The following SNX29 variants were observed in gnomAD, a reference collection of about 807,000 sequenced individuals.
SNX29 encodes sorting nexin 29.
Under a neutral mutation model 102.1 loss-of-function variants are expected in SNX29, and 78 were observed. The ratio of observed to expected loss-of-function variants is 0.76; its 90% CI spans 0.64 to 0.92. SNX29 has a LOEUF of 0.92. Among genes scored for constraint, SNX29 ranks in the 40% least tolerant of loss-of-function variants. The probability of loss-of-function intolerance (pLI) is 0.00; values close to 1 mark genes in which losing one functional copy is unlikely to be tolerated. For missense variants in SNX29, 1,280 were observed against 1,061.7 expected (o/e 1.21, Z -2.86); for synonymous variants, 580 against 414.5 (o/e 1.40, Z -4.85).
At chr16:12,012,495 G>A (rs536345909) in intron 3 of SNX29, among the ~76,000 whole-genome samples, 3 of 152,124 alleles carry the variant, frequency 2.0e-5, no homozygotes, top group South Asian at 2.1e-4. Flanking sequence ...TGCAACCTCC[G>A]CCTCCCACGT....
Position 12,027,359 on chromosome 16 carries a change from G to A in SNX29, c.162G>A (p.Gln54=). 2 of 1,614,112 alleles carry A rather than the reference G, an allele frequency of 1.2e-6. No homozygotes were observed. The highest frequency in any genetic ancestry group is 1.7e-6 in the Non-Finnish European group (2 of 1,179,980). ...GTGCCCAGTTTGAAGCCGTCCTGCA[G>A]CATGGCTTGAAGAGGAGTCGAGGAT... ...CLCAQFEAVL[Q]HGLKRSRGLA... Residue 54 remains glutamine (Q), a synonymous_variant, in exon 4 of 21, where the codon CAG becomes CAA. Transcript: ENST00000566228.
intron 13 of SNX29, among the ~76,000 whole-genome samples, chr16:12,143,251 C>T (rs1234051638): frequency 6.6e-6 from 1 of 152,178 alleles, no homozygotes; most frequent in Non-Finnish European, 1.5e-5. Context: ...TCCACCTCGG[C>T]CTCCCAAAGT....
chr16:12,361,682 T>G (rs920387239), intron 16 of SNX29, among the ~76,000 whole-genome samples: 7 of 152,208 alleles, frequency 4.6e-5, no homozygotes, highest in Non-Finnish European at 7.3e-5. Context: ...TTTTTTAAAT[T>G]TATTTTTTTC....
chr16:12,258,202 T>C (rs1480238169), intron 14 of SNX29, among the ~76,000 whole-genome samples: 3 of 152,100 alleles, frequency 2.0e-5, no homozygotes, highest in Non-Finnish European at 4.4e-5. Context: ...ATATGAAGTT[T>C]CCCCTGCAGC....
intron 14 of SNX29, among the ~76,000 whole-genome samples, chr16:12,207,171 C>T (rs559147660): frequency 6.6e-6 from 1 of 152,036 alleles, no homozygotes; most frequent in Admixed American, 6.6e-5. Flanking sequence ...GAGTTCAAAA[C>T]CAGCCAGACC....
At chr16:12,413,731 C>T (rs1227012008) in intron 18 of SNX29, among the ~76,000 whole-genome samples, 1 of 152,230 alleles carries the variant, frequency 6.6e-6, no homozygotes, top group Non-Finnish European at 1.5e-5. Flanking sequence ...GCTGGACGAT[C>T]CTCACGCCAG....
At chr16:12,410,924 C>A (rs796253873) in intron 18 of SNX29, among the ~76,000 whole-genome samples, 1 of 152,210 alleles carries the variant, frequency 6.6e-6, no homozygotes, top group Non-Finnish European at 1.5e-5. Context: ...TTCATCCTCT[C>A]TTAAGATAGC....
intron 17 of SNX29, among the ~76,000 whole-genome samples, chr16:12,399,917 G>T (rs1370312156): frequency 6.6e-6 from 1 of 152,118 alleles, no homozygotes; most frequent in African/African-American, 2.4e-5. Context: ...GAAGACAAGA[G>T]AGAGCCACAG....
At chr16:12,312,715 A>G (rs1427663635) in intron 15 of SNX29, among the ~76,000 whole-genome samples, 2 of 151,802 alleles carry the variant, frequency 1.3e-5, no homozygotes, top group African/African-American at 4.8e-5. Flanking sequence ...AAGTGGTCCT[A>G]TTGCTTAAAC....
Position 12,357,867 on chromosome 16 carries a change from C to G in SNX29, c.1899+1588C>G, listed in dbSNP as rs140969861. Among the ~76,000 whole-genome samples, 3 of 152,342 alleles carry G rather than the reference C, an allele frequency of 2.0e-5. No individual in the cohort carries two copies. In the East Asian group the frequency reaches 5.8e-4, roughly 29 times the overall value. On this transcript the variant is annotated intron_variant, in intron 16 of 20. Transcript: ENST00000566228. ...GGATTTGCCTTACAGAGGTTTTCAACCCCTCAGCTTTGCTGATGGTATCTC... is the reference window on the plus strand; with the variant it reads ...GGATTTGCCTTACAGAGGTTTTCAAGCCCTCAGCTTTGCTGATGGTATCTC...
chr16:12,328,860 G>T (rs1847180784), intron 15 of SNX29, among the ~76,000 whole-genome samples: 2 of 152,106 alleles, frequency 1.3e-5, no homozygotes, highest in Non-Finnish European at 2.9e-5. Context: ...GCTGGCTGAA[G>T]GTATGGCTGG....
intron 8 of SNX29, among the ~76,000 whole-genome samples, chr16:12,056,444 C>T (rs1031112260): frequency 6.6e-6 from 1 of 152,172 alleles, no homozygotes; most frequent in Non-Finnish European, 1.5e-5. Context: ...GAAGACACAG[C>T]GGAGTGATGG....
chr16:12,287,455 C>T (rs544176207), intron 15 of SNX29, among the ~76,000 whole-genome samples: 4 of 152,140 alleles, frequency 2.6e-5, no homozygotes, highest in African/African-American at 9.7e-5. Flanking sequence ...CACCCTACTT[C>T]AATAGTTATC....
intron 14 of SNX29, among the ~76,000 whole-genome samples, chr16:12,209,187 A>C (rs2077120880): frequency 6.6e-6 from 1 of 152,164 alleles, no homozygotes; most frequent in African/African-American, 2.4e-5. Flanking sequence ...AGGGGGGTAA[A>C]GTATAATGTC....
intron 19 of SNX29, 144 bp downstream of exon 19, chr16:12,478,003 A>G (rs2087735033): frequency 1.0e-6 from 1 of 971,178 alleles, no homozygotes; most frequent in South Asian, 2.0e-5. Flanking sequence ...GAAAAGAAAT[A>G]GCCATTCATA....
chr16:12,555,961 C>T (rs1486959566), intron 20 of SNX29, among the ~76,000 whole-genome samples: 1 of 151,578 alleles, frequency 6.6e-6, no homozygotes, highest in East Asian at 2.0e-4. Flanking sequence ...CTTGTAACAC[C>T]ATCTGCGTGG....
intron 15 of SNX29, among the ~76,000 whole-genome samples, chr16:12,309,315 C>G (rs1038670347): frequency 1.3e-5 from 2 of 152,192 alleles, no homozygotes; most frequent in Admixed American, 6.5e-5. Context: ...GGCTACCTAT[C>G]TAGCCTCCCA....
At chr16:12,351,847 A>G (rs2081999539) in intron 15 of SNX29, among the ~76,000 whole-genome samples, 1 of 151,912 alleles carries the variant, frequency 6.6e-6, no homozygotes, top group South Asian at 2.1e-4. Flanking sequence ...TGGGCAACAC[A>G]CTGATTGGTT....
intron 8 of SNX29, among the ~76,000 whole-genome samples, chr16:12,057,740 T>A (rs1207585904): frequency 6.6e-6 from 1 of 151,916 alleles, no homozygotes; most frequent in African/African-American, 2.4e-5. Context: ...TCTCAAATGA[T>A]GTTTAAGAGT....
Sources: allele counts gnomAD v4.1 joint callset (sites outside exome capture counted in the v4.1 genomes callset), GRCh38; gene constraint gnomAD v4.1.1; transcripts MANE v1.5; gene names NCBI Gene and HGNC (gene_info 2026-07-23, HGNC 2026-07-21).